The following TMBIM6 variants were observed in gnomAD, a reference collection of about 807,000 sequenced individuals.
The protein encoded by TMBIM6 is transmembrane BAX inhibitor motif containing 6, also known as bax inhibitor 1.
Under a neutral mutation model 31.4 loss-of-function variants are expected in TMBIM6, and 13 were observed. That is an observed-to-expected ratio of 0.41 (90% CI 0.27 to 0.66). TMBIM6 has a LOEUF of 0.66. Among genes scored for constraint, TMBIM6 ranks in the 30% least tolerant of loss-of-function variants. The pLI, the probability that TMBIM6 is intolerant of heterozygous loss-of-function variation, is 0.28. For missense variants in TMBIM6, 275 were observed against 289.5 expected (o/e 0.95, Z 0.36); for synonymous variants, 85 against 101.7 (o/e 0.84, Z 0.99).
At chr12:49,748,462 A>G (rs1182173394) in intron 1 of TMBIM6, among the ~76,000 whole-genome samples, 1 of 152,216 alleles carries the variant, frequency 6.6e-6, no homozygotes, top group Non-Finnish European at 1.5e-5. Flanking sequence ...AGAGCTATGT[A>G]TTAAGCTCTT....
rs1185363339 is a variant in TMBIM6 at position 49,758,671 on chromosome 12, T to G, written c.434-12T>G. 6.2e-7 allele frequency: 1 copy of G among 1,613,828 alleles called. No homozygotes were observed. The highest frequency in any genetic ancestry group is 1.1e-5 in the South Asian group (1 of 90,966). On this transcript the variant is annotated splice_polypyrimidine_tract_variant and intron_variant, in intron 6 of 9. Transcript: ENST00000267115. ...GGCTTCTCTCAAGACAGCTTTTTGC[T>G]GTGTCTTATAGGTATCTTGATGTCA...
At chr12:49,746,786 AG>A in intron 1 of TMBIM6, among the ~76,000 whole-genome samples, 1 of 152,154 alleles carries the variant, frequency 6.6e-6, no homozygotes, top group African/African-American at 2.4e-5. Flanking sequence ...AAGAAGAAGA[AG>A]AAGAAAAAAA....
chr12:49,746,289 G>C (rs996309372), intron 1 of TMBIM6, among the ~76,000 whole-genome samples: 10 of 151,828 alleles, frequency 6.6e-5, no homozygotes, highest in African/African-American at 2.2e-4. Context: ...TCATTGTGTT[G>C]GCTGGGCTGG....
rs751487929 is a variant in TMBIM6, at chr12:49,753,027, T to G, written c.111T>G (p.Cys37Trp). The G allele has an allele frequency of 5.0e-6, 8 of 1,614,122 alleles. No individual in the cohort carries two copies. In the East Asian group the frequency reaches 1.6e-4, roughly 31 times the overall value. ...LKKVYASFALCMFVAAAGAYV... is the reference protein window; with the variant it reads ...LKKVYASFALWMFVAAAGAYV... Reference sequence around the variant, plus strand: ...AGGTCTATGCAAGTTTTGCCCTTTGTATGTTTGTGGCGGCTGCAGGGGCCT... The same window carrying G: ...AGGTCTATGCAAGTTTTGCCCTTTGGATGTTTGTGGCGGCTGCAGGGGCCT... The change falls in exon 3 of 10, where the codon TGT becomes TGG. Residue 37 changes from cysteine (C) to tryptophan (W), a missense_variant. Cys to Trp is a radical substitution (Grantham distance 215). Transcript: ENST00000267115.
intron 2 of TMBIM6, 30 bp from the exon 3 acceptor site, chr12:49,752,943 T>A (rs1315435862): frequency 8.8e-6 from 14 of 1,588,948 alleles, no homozygotes; most frequent in African/African-American, 1.3e-5. Flanking sequence ...GATCTGGGAC[T>A]GATTGCTCTT....
chr12:49,747,515 C>T (rs1288707810), intron 1 of TMBIM6, among the ~76,000 whole-genome samples: 3 of 151,988 alleles, frequency 2.0e-5, no homozygotes, highest in African/African-American at 7.3e-5. Flanking sequence ...TGCTGTGTTG[C>T]CCAGGTTGGT....
chr12:49,754,279 G>A (rs1377283692), intron 3 of TMBIM6, among the ~76,000 whole-genome samples: 1 of 152,128 alleles, frequency 6.6e-6, no homozygotes, highest in Non-Finnish European at 1.5e-5. Context: ...ATGCCACCAT[G>A]CTTGGCTTAA....
intron 1 of TMBIM6, chr12:49,743,511 AG>A (rs1358825321): frequency 1.3e-5 from 2 of 152,168 alleles, no homozygotes; most frequent in Non-Finnish European, 2.9e-5. Flanking sequence ...CTAGGATTAC[AG>A]GTGTAATCCT....
chr12:49,759,207 CTT>C lies in TMBIM6; in HGVS notation c.514-13_514-12del. 1 of 1,611,792 alleles carries C rather than the reference CTT, an allele frequency of 6.2e-7. No homozygotes were observed. On this transcript the variant is annotated splice_polypyrimidine_tract_variant and intron_variant, in intron 7 of 9. Transcript: ENST00000267115. The stretch of plus-strand genomic sequence containing the variant: ...CTTCTGCTGTATAGTAACTTCATCT[CTT>C]ACATTTGTTAGGCAAACCTGTATGT...
At chr12:49,761,626 G>T in intron 8 of TMBIM6, 78 bp from the exon 9 acceptor site, 1 of 1,391,354 alleles carries the variant, frequency 7.2e-7, no homozygotes, top group Non-Finnish European at 1.0e-6. Flanking sequence ...TAGGGGTGGG[G>T]TTTATATTCT....
chr12:49,752,553 A>T lies in TMBIM6; in HGVS notation c.56+4A>T, dbSNP rs1357461192. On this transcript the variant is annotated splice_donor_region_variant and intron_variant, in intron 2 of 9. Coordinates refer to ENST00000267115, the MANE Select transcript of TMBIM6 (RefSeq NM_003217.3). The stretch of plus-strand genomic sequence containing the variant: ...CGCTTTTAAAATTTTCTCATATGTA[A>T]GTGTTTTGACCTTGACTGGTTTTGT... The T allele has an allele frequency of 6.2e-7, 1 of 1,610,832 alleles. No homozygotes were observed. The highest frequency in any genetic ancestry group is 8.5e-7 in the Non-Finnish European group (1 of 1,177,822).
At chr12:49,745,523 G>A (rs987070065) in intron 1 of TMBIM6, among the ~76,000 whole-genome samples, 2 of 152,136 alleles carry the variant, frequency 1.3e-5, no homozygotes, top group Non-Finnish European at 2.9e-5. Context: ...TCAGGAGTTT[G>A]AGACCAGCCT....
At chr12:49,746,864 C>T (rs28415203) in intron 1 of TMBIM6, among the ~76,000 whole-genome samples, 2 of 151,664 alleles carry the variant, frequency 1.3e-5, no homozygotes, top group African/African-American at 4.9e-5. Context: ...GAGACAGAGT[C>T]TGGCTCTGTC....
chr12:49,752,918 C>A, intron 2 of TMBIM6, 55 bp from the exon 3 acceptor site: 1 of 1,492,534 alleles, frequency 6.7e-7, no homozygotes. Context: ...TTCTTCTTAG[C>A]TTAAATATGA....
At chr12:49,761,177 TTAGTGG>T (rs1338176433) in intron 8 of TMBIM6, among the ~76,000 whole-genome samples, 1 of 151,326 alleles carries the variant, frequency 6.6e-6, no homozygotes, top group Non-Finnish European at 1.5e-5. Context: ...TCATGACTAA[TTAGTGG>T]TAGTTAAGGG....
chr12:49,751,945 T>C (rs1945501964), intron 1 of TMBIM6, among the ~76,000 whole-genome samples: 1 of 151,948 alleles, frequency 6.6e-6, no homozygotes, highest in Admixed American at 6.6e-5. Context: ...GTATTTTTAG[T>C]AGAGACAGGG....
In TMBIM6 at chr12:49,755,557, G is replaced by A. The variant is rs1945572847; in HGVS notation, c.166-78G>A. On this transcript the variant is annotated intron_variant, in intron 3 of 9. Coordinates refer to ENST00000267115, the MANE Select transcript of TMBIM6 (RefSeq NM_003217.3). Reference sequence around the variant, plus strand: ...TGTTAGGAAGTTCAGACGAGTGTTTGAACCCAATAAAGGTCTCTTGCAAAA... The same window carrying A: ...TGTTAGGAAGTTCAGACGAGTGTTTAAACCCAATAAAGGTCTCTTGCAAAA... 6.4e-6 allele frequency: 10 copies of A among 1,559,402 alleles called. No homozygotes were observed. In the South Asian group the frequency reaches 7.0e-5, roughly 11 times the overall value.
chr12:49,758,611 G>GGTT (rs1945652872), intron 6 of TMBIM6, 72 bp from the exon 7 acceptor site: 1 of 1,577,552 alleles, frequency 6.3e-7, no homozygotes, highest in African/African-American at 1.4e-5. Flanking sequence ...GGGAAGTTAA[G>GGTT]GAATGGCTTT....
intron 1 of TMBIM6, among the ~76,000 whole-genome samples, chr12:49,751,302 G>C (rs1179977810): frequency 6.6e-6 from 1 of 152,124 alleles, no homozygotes; most frequent in African/African-American, 2.4e-5. Context: ...TTTGATCATT[G>C]CTTTCAGGAT....
Sources: gnomAD v4.1 joint callset for allele counts (sites outside exome capture counted in the v4.1 genomes callset) on GRCh38, gnomAD v4.1.1 for gene constraint, MANE v1.5 for transcripts, NCBI Gene and HGNC (gene_info 2026-07-23, HGNC 2026-07-21) for gene names.